Variants in ZNF407 observed in about 807,000 individuals in gnomAD.
ZNF407 encodes zinc finger protein 407.
A neutral mutation model predicts 131.2 loss-of-function variants in ZNF407; 17 were observed. The observed-to-expected ratio is 0.13, with a 90% CI of 0.09 to 0.19. The LOEUF is 0.19. ZNF407 is among the 10% of genes least tolerant of loss of function. ZNF407 has a pLI of 1.00. For missense variants in ZNF407, 2,681 were observed against 2,830.6 expected (o/e 0.95, Z 1.20); for synonymous variants, 1,156 against 1,062.0 (o/e 1.09, Z -1.72).
chr18:74,899,831 G>C (rs535779019), intron 7 of ZNF407, among the ~76,000 whole-genome samples: 38 of 152,258 alleles, frequency 2.5e-4, no homozygotes, highest in African/African-American at 8.9e-4. Context: ...GGGAAGACCC[G>C]TTTTAGTACA....
chr18:74,691,162 C>G (rs1383893022), intron 3 of ZNF407, among the ~76,000 whole-genome samples: 1 of 152,006 alleles, frequency 6.6e-6, no homozygotes, highest in Non-Finnish European at 1.5e-5. Flanking sequence ...GCCTGTAATC[C>G]CAGCTACTCG....
chr18:74,817,818 G>A (rs1970287961), intron 4 of ZNF407, among the ~76,000 whole-genome samples: 1 of 152,154 alleles, frequency 6.6e-6, no homozygotes, highest in Non-Finnish European at 1.5e-5. Flanking sequence ...AGCCTGTAGT[G>A]TGGGATGCAA....
intron 4 of ZNF407, among the ~76,000 whole-genome samples, chr18:74,848,070 T>C (rs1356528065): frequency 1.3e-5 from 2 of 152,214 alleles, no homozygotes; most frequent in African/African-American, 4.8e-5. Flanking sequence ...ATTATTACCT[T>C]GAAATCCATA....
In ZNF407 at chr18:74,734,701, GTGTGTGTGTT is replaced by G. The variant is rs528422481; in HGVS notation, c.4803-46725_4803-46716del. 2.7e-3 allele frequency among the ~76,000 whole-genome samples: 400 copies of G among 147,704 alleles called. 3 individuals carry two copies. Among genetic ancestry groups the G allele is most frequent in the South Asian group, 6.0e-3 (28 of 4,688 alleles). On this transcript the variant is annotated intron_variant, in intron 3 of 8. Coordinates refer to ENST00000299687, the MANE Select transcript of ZNF407 (RefSeq NM_017757.3). ...TGTGTGTGTGTGTGTGTGTGTGTGTGTGTGTGTGTTTTTGAGAGAATCAAAGATTCAAGGA... is the reference window on the plus strand; with the variant it reads ...TGTGTGTGTGTGTGTGTGTGTGTGTGTTTGAGAGAATCAAAGATTCAAGGA...
chr18:74,789,983 C>A (rs1969796122), intron 4 of ZNF407, among the ~76,000 whole-genome samples: 1 of 151,968 alleles, frequency 6.6e-6, no homozygotes, highest in South Asian at 2.1e-4. Context: ...ATGCCCTGGC[C>A]ACTGTCTTCT....
intron 3 of ZNF407, among the ~76,000 whole-genome samples, chr18:74,712,690 A>G (rs1249461940): frequency 6.6e-6 from 1 of 152,236 alleles, no homozygotes; most frequent in African/African-American, 2.4e-5. Context: ...TAGAGAATGT[A>G]GAGGACTATT....
At chr18:74,701,036 T>C (rs1967481482) in intron 3 of ZNF407, among the ~76,000 whole-genome samples, 1 of 152,110 alleles carries the variant, frequency 6.6e-6, no homozygotes, top group African/African-American at 2.4e-5. Flanking sequence ...CCTCATACTG[T>C]AGAATAAAGA....
intron 3 of ZNF407, among the ~76,000 whole-genome samples, chr18:74,688,117 A>G (rs987317176): frequency 3.9e-5 from 6 of 152,224 alleles, no homozygotes; most frequent in South Asian, 2.1e-4. Flanking sequence ...AAAGTTCCAT[A>G]TAGCTTTTCA....
intron 3 of ZNF407, among the ~76,000 whole-genome samples, chr18:74,779,111 T>TATATA (rs1599146570): frequency 2.4e-3 from 32 of 13,384 alleles, no homozygotes; most frequent in African/African-American, 5.7e-3. Context: ...ATATATATAT[T>TATATA]TTTTTTTTTT....
chr18:74,631,926 T>C lies in ZNF407; in HGVS notation c.907T>C (p.Ser303Pro). 5 of 1,613,978 alleles carry C rather than the reference T, an allele frequency of 3.1e-6. No homozygotes were observed. The highest frequency in any genetic ancestry group is 4.2e-6 in the Non-Finnish European group (5 of 1,179,906). The part of the protein sequence containing the change: ...SRTMATKNVH[S>P]KPRTSKSIAK... ...TACAATGGCAACAAAAAATGTTCAC[T>C]CAAAACCAAGAACTTCTAAATCAAT... is the stretch of plus-strand genomic sequence containing the variant. The change falls in exon 2 of 9, where the codon TCA becomes CCA. Residue 303 changes from serine (S) to proline (P), a missense_variant. Physicochemically the swap from Ser to Pro is moderately conservative, Grantham distance 74. Coordinates refer to ENST00000299687, the MANE Select transcript of ZNF407 (RefSeq NM_017757.3).
Position 74,635,797 on chromosome 18 carries a change from GCTTT to G in ZNF407, c.4687+93_4687+96del. The G allele has an allele frequency of 6.7e-7, 1 of 1,491,166 alleles. No individual in the cohort carries two copies. The highest frequency in any genetic ancestry group is 8.9e-7 in the Non-Finnish European group (1 of 1,118,026). The allele number at this position is 1,491,166 out of a possible 1,614,324, so 92.4% of individuals were successfully genotyped here. A position where few individuals can be genotyped will look rare whatever the true frequency, so the allele number is the denominator to read the frequency against. On this transcript the variant is annotated intron_variant, in intron 2 of 8. Transcript: ENST00000299687. This position sits in a 1 kb window ranked among gnomAD's most constrained non-coding sequence, Gnocchi z 4.7. ...CAGCCCTACCTGTGGCTGCTCATTGGCTTTCCACCCGGTTCACATTTCACTGCCG... is the reference window on the plus strand; with the variant it reads ...CAGCCCTACCTGTGGCTGCTCATTGGCCACCCGGTTCACATTTCACTGCCG...
At chr18:74,983,243 T>C (rs1427086282) in intron 8 of ZNF407, among the ~76,000 whole-genome samples, 1 of 152,226 alleles carries the variant, frequency 6.6e-6, no homozygotes, top group African/African-American at 2.4e-5. Context: ...GGTCCCCTCA[T>C]TCAGAGCTTG....
intron 7 of ZNF407, among the ~76,000 whole-genome samples, chr18:74,900,863 T>C (rs1345091429): frequency 6.6e-6 from 1 of 152,244 alleles, no homozygotes; most frequent in African/African-American, 2.4e-5. Context: ...TTCTGTGTTC[T>C]TATGTGCTAA....
chr18:74,946,610 T>C (rs72981566), intron 8 of ZNF407, among the ~76,000 whole-genome samples: 20,875 of 152,284 alleles, frequency 0.14, 1,658 homozygotes, highest in Admixed American at 0.26. Flanking sequence ...AACATTAATA[T>C]ATATTTTAGA....
chr18:74,642,326 T>G (rs1984761132), intron 3 of ZNF407, among the ~76,000 whole-genome samples: 1 of 152,156 alleles, frequency 6.6e-6, no homozygotes. Context: ...GGGTCAGGTG[T>G]CAAATGGTTC....
intron 3 of ZNF407, among the ~76,000 whole-genome samples, chr18:74,747,077 G>A (rs900456827): frequency 6.6e-6 from 1 of 152,080 alleles, no homozygotes; most frequent in Non-Finnish European, 1.5e-5. Context: ...TGTCATATAT[G>A]TGGTTAATCA....
intron 8 of ZNF407, among the ~76,000 whole-genome samples, chr18:74,929,622 C>T (rs1200518065): frequency 6.6e-6 from 1 of 152,208 alleles, no homozygotes; most frequent in African/African-American, 2.4e-5. Flanking sequence ...TTGACCCCCA[C>T]CTAAACAGCA....
At chr18:74,958,538 A>G (rs1052142921) in intron 8 of ZNF407, among the ~76,000 whole-genome samples, 1 of 151,458 alleles carries the variant, frequency 6.6e-6, no homozygotes, top group Non-Finnish European at 1.5e-5. Context: ...TGCATTGGCC[A>G]TGACGAGGAG....
intron 3 of ZNF407, among the ~76,000 whole-genome samples, chr18:74,746,926 C>A (rs1418084426): frequency 6.6e-6 from 1 of 151,932 alleles, no homozygotes; most frequent in African/African-American, 2.4e-5. Context: ...TTATGATATA[C>A]CTTTATATGT....
Sources: allele counts gnomAD v4.1 joint callset (sites outside exome capture counted in the v4.1 genomes callset), GRCh38; gene constraint gnomAD v4.1.1; non-coding constraint Gnocchi (gnomAD v3.1); transcripts MANE v1.5; gene names NCBI Gene and HGNC (gene_info 2026-07-23, HGNC 2026-07-21).